The following UNC79 variants were observed in gnomAD, a reference collection of about 807,000 sequenced individuals.
UNC79 encodes protein unc-79 homolog.
UNC79 carries 37 observed loss-of-function variants against 283.1 expected under a neutral mutation model. That is an observed-to-expected ratio of 0.13 (90% CI 0.10 to 0.17). The LOEUF (loss-of-function observed/expected upper bound fraction) is 0.17. Among genes scored for constraint, UNC79 ranks in the 10% least tolerant of loss-of-function variants. UNC79 has a pLI of 1.00. For synonymous variants in UNC79, 1,107 were observed against 1,200.2 expected (o/e 0.92, Z 1.61); for missense variants, 2,272 against 3,211.1 (o/e 0.71, Z 7.07).
At chr14:93,463,353 G>A (rs577500109) in intron 1 of UNC79, among the ~76,000 whole-genome samples, 1 of 152,254 alleles carries the variant, frequency 6.6e-6, no homozygotes, top group Non-Finnish European at 1.5e-5. Context: ...GTGGAAGGAG[G>A]AATAGAAAGT....
At chr14:93,622,373 C>G (rs757233249) in exon 30 of UNC79, 1 of 1,614,180 alleles carries the variant, frequency 6.2e-7, no homozygotes, top group South Asian at 1.1e-5. Flanking sequence ...TGACTCTGCC[C>G]TCATCACTCT....
chr14:93,485,774 C>T (rs1408054745), intron 4 of UNC79, among the ~76,000 whole-genome samples: 1 of 152,152 alleles, frequency 6.6e-6, no homozygotes, highest in East Asian at 1.9e-4. Flanking sequence ...GCTGGGTTAG[C>T]AGCTGCCTAG....
At chr14:93,704,721 C>T (rs933330985) in intron 48 of UNC79, 55 bp downstream of exon 51, 10 of 1,587,220 alleles carry the variant, frequency 6.3e-6, no homozygotes, top group Admixed American at 3.3e-5. Context: ...GAACGTATAA[C>T]GTTCCTAGGG....
exon 1 of UNC79, chr14:93,333,228 C>A (rs1263428600): frequency 5.4e-6 from 2 of 367,488 alleles, no homozygotes; most frequent in Admixed American, 5.2e-5. Flanking sequence ...TATTTTTGCT[C>A]GTCGGCTGGG....
intron 8 of UNC79, among the ~76,000 whole-genome samples, chr14:93,527,990 A>C (rs755818305): frequency 1.4e-4 from 21 of 149,344 alleles, no homozygotes; most frequent in Non-Finnish European, 2.5e-4. Flanking sequence ...AAAAAAAAAA[A>C]CACATGAAAA....
At chr14:93,455,283 G>A (rs1175157742) in intron 1 of UNC79, among the ~76,000 whole-genome samples, 1 of 152,152 alleles carries the variant, frequency 6.6e-6, no homozygotes, top group Non-Finnish European at 1.5e-5. Flanking sequence ...CTTTGATTAA[G>A]GATTTGCAAA....
upstream of UNC79, chr14:93,333,197 G>T (rs1287315935): frequency 2.0e-5 from 8 of 398,632 alleles, no homozygotes; most frequent in Admixed American, 8.9e-5. Flanking sequence ...CTGGATCCAT[G>T]GGAGCGGAGT....
chr14:93,428,860 A>G (rs183908505), upstream of UNC79, among the ~76,000 whole-genome samples: 9 of 152,334 alleles, frequency 5.9e-5, no homozygotes, highest in African/African-American at 1.4e-4. Flanking sequence ...TACACAGATC[A>G]TGAGAGGCAA....
intron 1 of UNC79, among the ~76,000 whole-genome samples, chr14:93,356,683 T>A (rs1335937411): frequency 6.6e-6 from 1 of 152,232 alleles, no homozygotes; most frequent in African/African-American, 2.4e-5. Flanking sequence ...TTACCAGAAG[T>A]GCAAATCCAC....
rs141514869 is a variant in UNC79, at chr14:93,690,339, C to A, written c.7272+36C>A. 1 of 1,582,642 alleles carries A rather than the reference C, an allele frequency of 6.3e-7. No individual in the cohort carries two copies. The highest frequency in any genetic ancestry group is 1.8e-5 in the Admixed American group (1 of 56,374). Reference sequence around the variant, plus strand: ...TCTGCAAGATTAAGACCGTATGCATCGCAATTGCTAATGGAAACCTTATCA... The same window carrying A: ...TCTGCAAGATTAAGACCGTATGCATAGCAATTGCTAATGGAAACCTTATCA... On this transcript the variant is annotated intron_variant, in intron 45 of 48. Coordinates refer to ENST00000555664, the Ensembl canonical transcript of UNC79. This position sits in a 1 kb window ranked among gnomAD's most constrained non-coding sequence, Gnocchi z 4.3.
chr14:93,628,472 C>G (rs769326070), intron 30 of UNC79, among the ~76,000 whole-genome samples: 4 of 152,216 alleles, frequency 2.6e-5, no homozygotes, highest in Admixed American at 1.3e-4. Context: ...CTGTCTTTCT[C>G]TTCTCTGTTT....
At chr14:93,618,864 A>G (rs2066921803) in intron 29 of UNC79, among the ~76,000 whole-genome samples, 1 of 152,254 alleles carries the variant, frequency 6.6e-6, no homozygotes, top group South Asian at 2.1e-4. Context: ...TATCTCCATT[A>G]TCAACACTTT....
chr14:93,605,592 G>C (rs896057550), intron 26 of UNC79, among the ~76,000 whole-genome samples: 1 of 152,194 alleles, frequency 6.6e-6, no homozygotes, highest in Non-Finnish European at 1.5e-5. Context: ...GATTGTGAAG[G>C]TTCCGAATAC....
rs1281132543 is a variant in UNC79 at position 93,617,796 on chromosome 14, C to G, written c.4225-396C>G. Reference sequence around the variant, plus strand: ...GTGGCTCACTGCTGTAATCCCAGCACTTATGGGAGGCCGAGGTGGGTAGGT... The same window carrying G: ...GTGGCTCACTGCTGTAATCCCAGCAGTTATGGGAGGCCGAGGTGGGTAGGT... On this transcript the variant is annotated intron_variant, in intron 28 of 48. Transcript: ENST00000555664. The surrounding 1 kb of genome is among the most constrained non-coding windows in gnomAD (Gnocchi z 4.5). Among the ~76,000 whole-genome samples, 2 of 152,054 alleles carry G rather than the reference C, an allele frequency of 1.3e-5. No homozygotes were observed. Among genetic ancestry groups the G allele is most frequent in the East Asian group, 1.9e-4 (1 of 5,184 alleles).
chr14:93,599,612 A>T (rs2065346790), intron 24 of UNC79, among the ~76,000 whole-genome samples: 1 of 152,192 alleles, frequency 6.6e-6, no homozygotes, highest in Non-Finnish European at 1.5e-5. Context: ...CATAGGAGGC[A>T]CTCATTAGAT....
chr14:93,438,771 TGTGA>T (rs888503004), intron 1 of UNC79, among the ~76,000 whole-genome samples: 13 of 152,212 alleles, frequency 8.5e-5, no homozygotes, highest in Middle Eastern at 6.8e-3. Context: ...ATAGTATTTT[TGTGA>T]GTATCATATT....
intron 19 of UNC79, among the ~76,000 whole-genome samples, chr14:93,581,390 C>A (rs2063790151): frequency 6.6e-6 from 1 of 150,566 alleles, no homozygotes; most frequent in Non-Finnish European, 1.5e-5. Flanking sequence ...CCAGGCTGGT[C>A]TCAAATCCTG....
chr14:93,629,103 G>A (rs56710136), intron 30 of UNC79, among the ~76,000 whole-genome samples: 2 of 152,112 alleles, frequency 1.3e-5, no homozygotes, highest in Non-Finnish European at 2.9e-5. Context: ...GAAGACTGAG[G>A]CAGGAGAATC....
intron 1 of UNC79, among the ~76,000 whole-genome samples, chr14:93,440,136 G>A (rs543204317): frequency 1.2e-3 from 181 of 149,058 alleles, no homozygotes; most frequent in Non-Finnish European, 1.7e-3. Flanking sequence ...AAACAGAGAT[G>A]ATTTAAAGTA....
Sources: gnomAD v4.1 joint callset for allele counts (sites outside exome capture counted in the v4.1 genomes callset) on GRCh38, gnomAD v4.1.1 for gene constraint, Gnocchi (gnomAD v3.1) non-coding constraint, MANE v1.5 for transcripts, NCBI Gene and HGNC (gene_info 2026-07-23, HGNC 2026-07-21) for gene names.